CFHR5: variants seen among roughly 807,000 people sequenced by gnomAD.
CFHR5 encodes complement factor H related 5.
Under a neutral mutation model 62.9 loss-of-function variants are expected in CFHR5, and 73 were observed. The ratio of observed to expected loss-of-function variants is 1.16; its 90% CI spans 0.96 to 1.41. The LOEUF (loss-of-function observed/expected upper bound fraction) is 1.41. Among genes scored for constraint, CFHR5 ranks in the 40% most tolerant of loss-of-function variants. The pLI, the probability that CFHR5 is intolerant of heterozygous loss-of-function variation, is 0.00. For missense variants in CFHR5, 779 were observed against 679.9 expected, an observed-to-expected ratio of 1.15 and a Z score of -1.62; for synonymous variants, 249 against 227.2, an observed-to-expected ratio of 1.10 and a Z score of -0.86.
intron 8 of CFHR5, 61 bp from the exon 9 acceptor site, chr1:197,004,600 T>C (rs1209483557): frequency 4.8e-6 from 6 of 1,261,030 alleles, no homozygotes; most frequent in Non-Finnish European, 7.0e-6. Flanking sequence ...TACATGATGC[T>C]TCATTATATT....
At position 197,004,789 on chromosome 1, in the gene CFHR5, TCTGTAA is replaced by T. The variant is rs1654242394; in HGVS notation, c.1467_1472del (p.Val490_Thr491del). The T allele has an allele frequency of 6.2e-7, 1 of 1,613,734 alleles. No homozygotes were observed. The highest frequency in any genetic ancestry group is 1.1e-5 in the South Asian group (1 of 91,082). ...CCAGTCCTTCTATAAACTCCAGGGCTCTGTAACTGTAACATGCAGAAATAAACAGTG... is the reference window on the plus strand; with the variant it reads ...CCAGTCCTTCTATAAACTCCAGGGCTCTGTAACATGCAGAAATAAACAGTG... On this transcript the variant is annotated inframe_deletion, in exon 9 of 10. Coordinates refer to ENST00000256785, the MANE Select transcript of CFHR5 (RefSeq NM_030787.4).
rs139017763 is a variant in CFHR5 at position 196,996,063 on chromosome 1, G to T, written c.832G>T (p.Gly278Cys). The change falls in exon 6 of 10, where the codon GGT becomes TGT. Residue 278 changes from glycine (G) to cysteine (C), a missense_variant. Physicochemically the swap from Gly to Cys is radical, Grantham distance 159. Transcript: ENST00000256785. ...TGGATACATACCTGAACTCGAGTAC[G>T]GTTATGTTCAGCCGTCTGTCCCTCC... is the stretch of plus-strand genomic sequence containing the variant. ...TCGYIPELEY[G>C]YVQPSVPPYQ... is the part of the protein sequence containing the mutation. 6.2e-7 allele frequency: 1 copy of T among 1,613,802 alleles called. No homozygotes were observed. Among genetic ancestry groups the T allele is most frequent in the African/African-American group, 1.3e-5 (1 of 75,002 alleles).
chr1:196,983,621 A>G (rs1292217726), intron 2 of CFHR5, among the ~76,000 whole-genome samples: 1 of 152,182 alleles, frequency 6.6e-6, no homozygotes, highest in Admixed American at 6.6e-5. Flanking sequence ...TGAGGCAACA[A>G]AGGAGATAGT....
At chr1:196,999,742 T>TAA (rs1553315426) in intron 7 of CFHR5, among the ~76,000 whole-genome samples, 6 of 122,772 alleles carry the variant, frequency 4.9e-5, no homozygotes, top group East Asian at 8.5e-4. Context: ...CACATATATA[T>TAA]ACACACACAT....
chr1:196,996,278 C>T, intron 6 of CFHR5, 77 bp downstream of exon 6: 4 of 1,186,204 alleles, frequency 3.4e-6, no homozygotes, highest in Non-Finnish European at 5.0e-6. Context: ...ATAAATCTGG[C>T]TAGAATTACA....
At chr1:196,984,231 CACT>C (rs1300769423) in intron 3 of CFHR5, 94 bp downstream of exon 3, 3 of 1,046,528 alleles carry the variant, frequency 2.9e-6, no homozygotes, top group African/African-American at 3.2e-5. Context: ...TAGGTTTCAC[CACT>C]ACTTCTATCA....
At chr1:196,979,052 C>A (rs1317529818) in intron 1 of CFHR5, among the ~76,000 whole-genome samples, 1 of 152,024 alleles carries the variant, frequency 6.6e-6, no homozygotes, top group African/African-American at 2.4e-5. Context: ...CAGACGAAAG[C>A]AACACTTTTG....
chr1:196,988,019 T>A (rs2125029720), intron 3 of CFHR5, among the ~76,000 whole-genome samples: 1 of 152,288 alleles, frequency 6.6e-6, no homozygotes, highest in East Asian at 1.9e-4. Flanking sequence ...AGTTCTTCCA[T>A]TTGTTTGTGT....
chr1:196,993,620 AT>A (rs955062723), intron 3 of CFHR5, among the ~76,000 whole-genome samples: 6 of 151,754 alleles, frequency 4.0e-5, no homozygotes, highest in African/African-American at 1.2e-4. Flanking sequence ...TTTATACATC[AT>A]TTTTTTTATT....
At chr1:196,994,349 C>A in intron 4 of CFHR5, 93 bp downstream of exon 4, 2 of 1,054,048 alleles carry the variant, frequency 1.9e-6, no homozygotes, top group Non-Finnish European at 2.9e-6. Context: ...CATCTATAAT[C>A]TGACAAAGTG....
rs992260570 is a variant in CFHR5, at chr1:196,993,458, G to C, written c.431-622G>C. Among the ~76,000 whole-genome samples, 80 of 152,016 alleles carry C rather than the reference G, an allele frequency of 5.3e-4. 1 individual carries two copies. The highest frequency in any genetic ancestry group is 1.9e-3 in the African/African-American group (78 of 41,444). The stretch of plus-strand genomic sequence containing the variant: ...TATAGGCGCCCACCACCCCATGCCT[G>C]GCTAATTTTTGTATTTTCAGTAGAG... On this transcript the variant is annotated intron_variant, in intron 3 of 9. Transcript: ENST00000256785.
intron 3 of CFHR5, among the ~76,000 whole-genome samples, chr1:196,986,167 C>T (rs1653676109): frequency 6.6e-6 from 1 of 152,028 alleles, no homozygotes; most frequent in South Asian, 2.1e-4. Flanking sequence ...AATAAAGTTT[C>T]AGGGCAACTA....
intron 1 of CFHR5, among the ~76,000 whole-genome samples, chr1:196,980,244 AT>A (rs546898022): frequency 6.5e-4 from 99 of 151,550 alleles, no homozygotes; most frequent in African/African-American, 2.2e-3. Flanking sequence ...TTTTACAGTT[AT>A]TTTTTTTTAA....
intron 9 of CFHR5, among the ~76,000 whole-genome samples, chr1:197,006,984 A>G (rs1654305340): frequency 6.6e-6 from 1 of 151,720 alleles, no homozygotes; most frequent in Non-Finnish European, 1.5e-5. Flanking sequence ...TTACAGGCAC[A>G]TGCCACCATG....
chr1:197,008,636 C>T lies in CFHR5; in HGVS notation c.1663C>T (p.Arg555Ter), dbSNP rs780410370. 7 of 1,613,676 alleles carry T rather than the reference C, an allele frequency of 4.3e-6. 1 individual carries two copies. The highest frequency in any genetic ancestry group is 2.2e-5 in the South Asian group (2 of 91,076). The change falls in exon 10 of 10, where the codon CGA becomes TGA. Residue 555 changes from arginine (R) to a stop codon, truncating the protein, a stop_gained. Transcript: ENST00000256785. LOFTEE classifies it low-confidence loss of function (END_TRUNC). ...HKAMISSPPF[R>*]AICQEGKFEY... ...AGCGATGATATCATCACCACCATTT[C>T]GAGCAATCTGTCAGGAAGGGAAATT...
Position 196,998,117 on chromosome 1 carries a change from A to AT in CFHR5, c.971-5dup, listed in dbSNP as rs992472424. 2.0e-6 allele frequency: 3 copies of AT among 1,473,794 alleles called. No homozygotes were observed. The highest frequency in any genetic ancestry group is 2.5e-5 in the South Asian group (2 of 80,810). The allele number at this position is 1,473,794 out of a possible 1,614,324, so 91.3% of individuals were successfully genotyped here. On this transcript the variant is annotated splice_polypyrimidine_tract_variant and intron_variant, in intron 6 of 9. Coordinates refer to ENST00000256785, the MANE Select transcript of CFHR5 (RefSeq NM_030787.4). Reference sequence around the variant, plus strand: ...AATTGTTTAGTTTCTATTTAATATTATTTTTTATAGCAACACACCAACTTA... The same window carrying AT: ...AATTGTTTAGTTTCTATTTAATATTATTTTTTTATAGCAACACACCAACTTA...
intron 8 of CFHR5, among the ~76,000 whole-genome samples, chr1:197,003,622 AT>A (rs1654206591): frequency 6.6e-6 from 1 of 152,176 alleles, no homozygotes; most frequent in Admixed American, 6.5e-5. Flanking sequence ...ATTTATCTAA[AT>A]AAAAACCATT....
In CFHR5 at chr1:196,983,955, C is replaced by G. The variant is rs1222622334; in HGVS notation, c.254-6C>G. ...TCTTGTACATTAATCAATTTTTGTT[C>G]CTTAGGAATGTGTTCCTTTCCTTTT... On this transcript the variant is annotated splice_region_variant and splice_polypyrimidine_tract_variant and intron_variant, in intron 2 of 9. Coordinates refer to ENST00000256785, the MANE Select transcript of CFHR5 (RefSeq NM_030787.4). 1 of 1,602,748 alleles carries G rather than the reference C, an allele frequency of 6.2e-7. No individual in the cohort carries two copies. The highest frequency in any genetic ancestry group is 8.5e-7 in the Non-Finnish European group (1 of 1,172,686).
chr1:196,987,092 T>C (rs1653703098), intron 3 of CFHR5, among the ~76,000 whole-genome samples: 1 of 152,208 alleles, frequency 6.6e-6, no homozygotes, highest in South Asian at 2.1e-4. Flanking sequence ...CTCATTGTGG[T>C]TTTGATTTGC....
Sources: gnomAD v4.1 joint callset for allele counts (sites outside exome capture counted in the v4.1 genomes callset) on GRCh38, gnomAD v4.1.1 for gene constraint, MANE v1.5 for transcripts, NCBI Gene and HGNC (gene_info 2026-07-23, HGNC 2026-07-21) for gene names.